The following PDLIM5 variants were observed in gnomAD, a reference collection of about 807,000 sequenced individuals.
PDLIM5 encodes the protein PDZ and LIM domain 5.
PDLIM5 carries 34 observed loss-of-function variants against 64.2 expected under a neutral mutation model. That is an observed-to-expected ratio of 0.53 (90% CI 0.40 to 0.71). PDLIM5 has a LOEUF of 0.71. Ranked by LOEUF, PDLIM5 falls within the 30% of genes least tolerant of loss-of-function variation. PDLIM5 has a pLI of 0.00. For missense variants in PDLIM5, 683 were observed against 733.6 expected, an observed-to-expected ratio of 0.93 and a Z score of 0.80; for synonymous variants, 253 against 269.1, an observed-to-expected ratio of 0.94 and a Z score of 0.59.
intron 3 of PDLIM5, among the ~76,000 whole-genome samples, chr4:94,526,454 TA>T (rs1215883131): frequency 6.6e-6 from 1 of 152,104 alleles, no homozygotes; most frequent in East Asian, 1.9e-4. Context: ...TATTAGGGAG[TA>T]TTTTAGAGTC....
intron 2 of PDLIM5, among the ~76,000 whole-genome samples, chr4:94,512,313 C>T (rs1056244649): frequency 6.6e-6 from 1 of 152,150 alleles, no homozygotes; most frequent in Non-Finnish European, 1.5e-5. Context: ...GCCACTGTGC[C>T]TGGCCAGTAG....
chr4:94,607,652 A>G (rs571969635), intron 7 of PDLIM5, among the ~76,000 whole-genome samples: 187 of 152,308 alleles, frequency 1.2e-3, no homozygotes, highest in South Asian at 5.8e-3. Context: ...AAAACATTAT[A>G]TAGTGGAAAT....
intron 2 of PDLIM5, among the ~76,000 whole-genome samples, chr4:94,493,764 T>C (rs2126122825): frequency 6.6e-6 from 1 of 152,288 alleles, no homozygotes; most frequent in Non-Finnish European, 1.5e-5. Context: ...TCAAGAAAGA[T>C]TATACTCCAA....
chr4:94,564,899 G>A (rs866085150), intron 3 of PDLIM5, among the ~76,000 whole-genome samples: 12 of 151,392 alleles, frequency 7.9e-5, no homozygotes, highest in Admixed American at 2.0e-4. Context: ...CTCGTGATCC[G>A]CCCGCCTCGG....
At chr4:94,501,272 T>A (rs1399532241) in intron 2 of PDLIM5, among the ~76,000 whole-genome samples, 1 of 151,770 alleles carries the variant, frequency 6.6e-6, no homozygotes, top group Non-Finnish European at 1.5e-5. Context: ...TTTGTAGAGA[T>A]GGGGTTTTGC....
chr4:94,640,068 C>A (rs927383775), intron 8 of PDLIM5, among the ~76,000 whole-genome samples: 2 of 151,490 alleles, frequency 1.3e-5, no homozygotes, highest in Non-Finnish European at 2.9e-5. Flanking sequence ...TGTCATAATT[C>A]TTTTACTTTG....
intron 5 of PDLIM5, chr4:94,583,136 T>C (rs1413253666): frequency 6.5e-6 from 1 of 153,522 alleles, no homozygotes; most frequent in African/African-American, 2.4e-5. Flanking sequence ...AATAAAATTA[T>C]TGAAATTTTT....
chr4:94,460,400 A>AT (rs1423146300), intron 2 of PDLIM5, among the ~76,000 whole-genome samples: 3 of 152,200 alleles, frequency 2.0e-5, no homozygotes, highest in African/African-American at 7.2e-5. Flanking sequence ...ATTCAGAGAA[A>AT]TGTTACTGGT....
At chr4:94,661,738 T>C (rs911307634) in intron 11 of PDLIM5, among the ~76,000 whole-genome samples, 5 of 152,204 alleles carry the variant, frequency 3.3e-5, no homozygotes, top group Non-Finnish European at 7.3e-5. Flanking sequence ...CTCTCTTCAT[T>C]AGTCTTATTG....
At chr4:94,625,572 C>T (rs1739612975) in intron 8 of PDLIM5, among the ~76,000 whole-genome samples, 1 of 151,864 alleles carries the variant, frequency 6.6e-6, no homozygotes, top group Non-Finnish European at 1.5e-5. Flanking sequence ...CCTGCCTCAG[C>T]CCCCCAAGTA....
intron 3 of PDLIM5, among the ~76,000 whole-genome samples, chr4:94,528,317 A>T (rs1216944101): frequency 6.6e-6 from 1 of 152,158 alleles, no homozygotes. Flanking sequence ...GAAATAGTTT[A>T]TGCCATTCAG....
intron 8 of PDLIM5, among the ~76,000 whole-genome samples, chr4:94,639,907 A>T (rs1271560016): frequency 2.0e-5 from 3 of 152,022 alleles, no homozygotes; most frequent in African/African-American, 7.2e-5. Flanking sequence ...CATGCCTGTA[A>T]TCCCAGCTAC....
intron 8 of PDLIM5, among the ~76,000 whole-genome samples, chr4:94,634,004 T>C (rs951143215): frequency 2.4e-4 from 36 of 152,060 alleles, no homozygotes; most frequent in African/African-American, 8.5e-4. Context: ...TACAGAGGAA[T>C]AATCAGGGGG....
chr4:94,559,462 A>G (rs1436273603), intron 3 of PDLIM5, among the ~76,000 whole-genome samples: 2 of 152,216 alleles, frequency 1.3e-5, no homozygotes, highest in Non-Finnish European at 2.9e-5. Context: ...GCAGTGAATC[A>G]TGCTACATCT....
intron 3 of PDLIM5, among the ~76,000 whole-genome samples, chr4:94,525,411 C>T: frequency 6.6e-6 from 1 of 151,448 alleles, no homozygotes; most frequent in East Asian, 1.9e-4. Flanking sequence ...GAGCGACACT[C>T]TGTCGCCCCA....
At chr4:94,611,311 G>A (rs958841018) in intron 7 of PDLIM5, 1 of 896,098 alleles carries the variant, frequency 1.1e-6, no homozygotes, top group African/African-American at 1.7e-5. Context: ...AGAGTTCTAG[G>A]GATTTGTGCC....
chr4:94,457,442 A>T (rs1315615435), intron 2 of PDLIM5, among the ~76,000 whole-genome samples: 2 of 152,148 alleles, frequency 1.3e-5, no homozygotes, highest in East Asian at 3.8e-4. Flanking sequence ...ATGATCTATT[A>T]TGGGAACAGG....
At chr4:94,522,724 C>T (rs1729940402) in intron 2 of PDLIM5, among the ~76,000 whole-genome samples, 1 of 152,162 alleles carries the variant, frequency 6.6e-6, no homozygotes, top group Non-Finnish European at 1.5e-5. Flanking sequence ...TTACCTAGTT[C>T]TAGAACTTTT....
intron 2 of PDLIM5, among the ~76,000 whole-genome samples, chr4:94,507,663 A>C (rs1256325631): frequency 1.1e-4 from 16 of 152,334 alleles, no homozygotes; most frequent in Non-Finnish European, 1.3e-4. Flanking sequence ...TTTGGTGTAC[A>C]CAAGGAAAGC....
Sources: gnomAD v4.1 joint callset for allele counts (sites outside exome capture counted in the v4.1 genomes callset) on GRCh38, gnomAD v4.1.1 for gene constraint, MANE v1.5 for transcripts, NCBI Gene and HGNC (gene_info 2026-07-23, HGNC 2026-07-21) for gene names.